The following PPARGC1A variants were observed in gnomAD, a reference collection of about 807,000 sequenced individuals.
The protein encoded by PPARGC1A is PPARG coactivator 1 alpha, also known as peroxisome proliferator-activated receptor gamma coactivator 1-alpha.
PPARGC1A carries 25 observed loss-of-function variants against 88.7 expected under a neutral mutation model. The observed-to-expected ratio is 0.28, with a 90% CI of 0.21 to 0.39. The LOEUF is 0.39. Among genes scored for constraint, PPARGC1A ranks in the 10% least tolerant of loss-of-function variants. PPARGC1A has a pLI of 1.00. For missense variants in PPARGC1A, 880 were observed against 968.7 expected (o/e 0.91, Z 1.22); for synonymous variants, 363 against 355.6 (o/e 1.02, Z -0.24).
At chr4:23,850,788 GA>G (rs1220162617) in intron 2 of PPARGC1A, among the ~76,000 whole-genome samples, 14 of 152,136 alleles carry the variant, frequency 9.2e-5, no homozygotes, top group Admixed American at 6.5e-4. Context: ...GAGGTTTAAA[GA>G]AGCTAAGTAA....
chr4:23,951,920 A>C, the PPARGC1A span, among the ~76,000 whole-genome samples: 1 of 152,142 alleles, frequency 6.6e-6, no homozygotes, highest in Non-Finnish European at 1.5e-5. Context: ...GATGAAAGGT[A>C]GTTGTTCATC....
the PPARGC1A span, among the ~76,000 whole-genome samples, chr4:24,300,769 T>C: frequency 4.6e-5 from 7 of 152,136 alleles, no homozygotes; most frequent in African/African-American, 1.7e-4. Flanking sequence ...AGTCAACTTC[T>C]GGCCAATGAA....
chr4:24,140,659 A>G, the PPARGC1A span, among the ~76,000 whole-genome samples: 3 of 152,182 alleles, frequency 2.0e-5, no homozygotes, highest in Admixed American at 1.3e-4. Context: ...CAAAAGGGAG[A>G]CAAAGAAAGG....
the PPARGC1A span, among the ~76,000 whole-genome samples, chr4:24,321,466 T>C: frequency 6.6e-6 from 1 of 152,188 alleles, no homozygotes; most frequent in Non-Finnish European, 1.5e-5. Context: ...TGTATTATTG[T>C]CTCCCAACTG....
At chr4:23,921,291 G>A in the PPARGC1A span, among the ~76,000 whole-genome samples, 3 of 152,324 alleles carry the variant, frequency 2.0e-5, no homozygotes, top group Middle Eastern at 3.4e-3. Context: ...GTGTGTGTGC[G>A]TCAGGGGACA....
At chr4:24,405,997 C>T in the PPARGC1A span, among the ~76,000 whole-genome samples, 1 of 152,078 alleles carries the variant, frequency 6.6e-6, no homozygotes, top group African/African-American at 2.4e-5. Context: ...TTCCTCCCTG[C>T]TATTCTGATA....
At chr4:23,894,224 G>T (rs895982995), upstream of PPARGC1A, among the ~76,000 whole-genome samples, 1 of 152,058 alleles carries the variant, frequency 6.6e-6, no homozygotes, top group Non-Finnish European at 1.5e-5. Flanking sequence ...AAGCAAAGGG[G>T]CCTGCCTAGA....
chr4:24,349,887 C>G, the PPARGC1A span, among the ~76,000 whole-genome samples: 2 of 152,294 alleles, frequency 1.3e-5, no homozygotes, highest in South Asian at 4.1e-4. Context: ...GGAGTTTTAC[C>G]CCCTGCCCCT....
Position 23,795,648 on chromosome 4 carries a change from T to C in PPARGC1A, c.*174A>G. The C allele has an allele frequency of 1.8e-6, 1 of 557,782 alleles. No individual in the cohort carries two copies. Among genetic ancestry groups the C allele is most frequent in the East Asian group, 3.1e-5 (1 of 32,172 alleles). The allele number at this position is 557,782 out of a possible 1,614,324, so 34.6% of individuals were successfully genotyped here. On this transcript the variant is annotated 3_prime_UTR_variant, in exon 13 of 13. Coordinates refer to ENST00000264867, the MANE Select transcript of PPARGC1A (RefSeq NM_013261.5). The stretch of plus-strand genomic sequence containing the variant: ...CAGCAGCTGTGTTCATGTAAACCAT[T>C]GTTGTTATTGTTGTTGTTGTTCTTG...
At chr4:24,197,817 G>A in the PPARGC1A span, among the ~76,000 whole-genome samples, 1 of 152,196 alleles carries the variant, frequency 6.6e-6, no homozygotes, top group African/African-American at 2.4e-5. Context: ...TCACAGACCT[G>A]ATGAATTAGC....
At chr4:24,392,805 A>G in the PPARGC1A span, among the ~76,000 whole-genome samples, 1 of 152,150 alleles carries the variant, frequency 6.6e-6, no homozygotes, top group Non-Finnish European at 1.5e-5. Flanking sequence ...CAGCGCGCAC[A>G]GGCTGAGCAA....
At chr4:24,463,306 A>G in the PPARGC1A span, among the ~76,000 whole-genome samples, 3 of 151,914 alleles carry the variant, frequency 2.0e-5, no homozygotes, top group Non-Finnish European at 4.4e-5. Context: ...AAAAGCAAAA[A>G]CTCTTCAGAT....
the PPARGC1A span, among the ~76,000 whole-genome samples, chr4:24,461,202 G>A: frequency 2.3e-3 from 345 of 152,330 alleles, 1 homozygote; most frequent in African/African-American, 8.1e-3. Flanking sequence ...GGATTGCAGC[G>A]TAAGCCACAA....
chr4:24,464,984 G>T, the PPARGC1A span, among the ~76,000 whole-genome samples: 3 of 152,134 alleles, frequency 2.0e-5, no homozygotes, highest in African/African-American at 7.2e-5. Context: ...TTTTTTTAAA[G>T]ATGGGGTCAG....
At chr4:24,377,615 C>T in the PPARGC1A span, among the ~76,000 whole-genome samples, 9 of 152,098 alleles carry the variant, frequency 5.9e-5, no homozygotes, top group East Asian at 5.8e-4. Flanking sequence ...ATTTGGAGTC[C>T]GTGAGTTGAG....
At chr4:24,369,744 A>AT in the PPARGC1A span, among the ~76,000 whole-genome samples, 1 of 152,240 alleles carries the variant, frequency 6.6e-6, no homozygotes, top group Non-Finnish European at 1.5e-5. Flanking sequence ...TTGCATAATT[A>AT]TTCAAGAAGG....
chr4:23,999,573 C>G, the PPARGC1A span, among the ~76,000 whole-genome samples: 1 of 152,050 alleles, frequency 6.6e-6, no homozygotes, highest in Non-Finnish European at 1.5e-5. Flanking sequence ...TGGAGAGAAG[C>G]GAAGCCAAAA....
chr4:24,316,122 C>G, the PPARGC1A span, among the ~76,000 whole-genome samples: 1 of 152,178 alleles, frequency 6.6e-6, no homozygotes, highest in African/African-American at 2.4e-5. Context: ...TTTTCAGGAC[C>G]ATGAATGTTT....
chr4:24,462,366 G>A, the PPARGC1A span, among the ~76,000 whole-genome samples: 1 of 151,804 alleles, frequency 6.6e-6, no homozygotes, highest in Non-Finnish European at 1.5e-5. Flanking sequence ...CAAAGTGCTG[G>A]GATTACAGGT....
Sources: allele counts gnomAD v4.1 joint callset (sites outside exome capture counted in the v4.1 genomes callset), GRCh38; gene constraint gnomAD v4.1.1; transcripts MANE v1.5; gene names NCBI Gene and HGNC (gene_info 2026-07-23, HGNC 2026-07-21).